The following RBFOX1 variants were observed in gnomAD, a reference collection of about 807,000 sequenced individuals.
The protein encoded by RBFOX1 is RNA binding fox-1 homolog 1.
RBFOX1 carries 8 observed loss-of-function variants against 57.7 expected under a neutral mutation model. The observed-to-expected ratio is 0.14, with a 90% CI of 0.08 to 0.25. RBFOX1 has a LOEUF of 0.25. RBFOX1 is among the 10% of genes least tolerant of loss of function. The pLI is 1.00. For synonymous variants in RBFOX1, 326 were observed against 222.4 expected, an observed-to-expected ratio of 1.47 and a Z score of -4.15; for missense variants, 611 against 548.5, an observed-to-expected ratio of 1.11 and a Z score of -1.14.
At chr16:6,378,892 A>C (rs2091493701) in intron 2 of RBFOX1, among the ~76,000 whole-genome samples, 1 of 152,162 alleles carries the variant, frequency 6.6e-6, no homozygotes, top group South Asian at 2.1e-4. Flanking sequence ...GTGGGCGGAA[A>C]TGTTGGAAAG....
rs575339932 is a variant in RBFOX1, at chr16:6,863,780, G to T, written c.-15-188277G>T. On this transcript the variant is annotated intron_variant, in intron 3 of 15. Coordinates refer to ENST00000550418, the MANE Select transcript of RBFOX1 (RefSeq NM_018723.4). ...CAAAACCAAATACAACCTTACAGAG[G>T]TAATAAACCTTGTGATACAGTCTCA... 7.2e-5 allele frequency among the ~76,000 whole-genome samples: 9 copies of T among 124,948 alleles called. 1 individual carries two copies. In the South Asian group the frequency reaches 2.5e-3, roughly 35 times the overall value. The allele number at this position is 124,948 out of a possible 152,430, so 82.0% of individuals were successfully genotyped here.
intron 5 of RBFOX1, among the ~76,000 whole-genome samples, chr16:7,575,533 G>A (rs2093251113): frequency 6.6e-6 from 1 of 152,142 alleles, no homozygotes; most frequent in Non-Finnish European, 1.5e-5. Context: ...ATGGAAGGAT[G>A]CAGACCCAAG....
intron 1 of RBFOX1, among the ~76,000 whole-genome samples, chr16:5,405,826 A>G (rs1260594618): frequency 6.6e-6 from 1 of 151,904 alleles, no homozygotes; most frequent in Non-Finnish European, 1.5e-5. Flanking sequence ...TCCCGGGAAA[A>G]GTTTTCTTCC....
intron 2 of RBFOX1, among the ~76,000 whole-genome samples, chr16:6,649,086 G>T (rs1451206429): frequency 2.0e-5 from 3 of 151,902 alleles, no homozygotes; most frequent in Admixed American, 2.0e-4. Flanking sequence ...ATGTCTTTAG[G>T]CCCAGATCTC....
At chr16:5,942,675 A>G (rs1008973628) in intron 4 of RBFOX1, among the ~76,000 whole-genome samples, 3 of 152,144 alleles carry the variant, frequency 2.0e-5, no homozygotes, top group Non-Finnish European at 4.4e-5. Flanking sequence ...AATACAAACT[A>G]CCTTTCTCCC....
chr16:6,606,533 G>A lies in RBFOX1; in HGVS notation c.-63-48070G>A, dbSNP rs183261906. On this transcript the variant is annotated intron_variant, in intron 2 of 15. Coordinates refer to ENST00000550418, the MANE Select transcript of RBFOX1 (RefSeq NM_018723.4). ...GCTTTCCCTCCTCCTTCCCCTCTAC[G>A]AGGCCCCATTGTGTGTAGTTCCCCT... Among the ~76,000 whole-genome samples, 13 of 151,908 alleles carry A rather than the reference G, an allele frequency of 8.6e-5. No individual in the cohort carries two copies. The East Asian group carries it at 1.2e-3, about 14-fold the overall frequency.
rs1166998032 is a variant in RBFOX1, at chr16:5,284,756, A to ATTTTTTTTTTTTTTT, written c.219+44663_219+44677dup. Among the ~76,000 whole-genome samples the ATTTTTTTTTTTTTTT allele has an allele frequency of 2.0e-3, 120 of 61,032 alleles. 4 individuals are homozygous for ATTTTTTTTTTTTTTT. The highest frequency in any genetic ancestry group is 2.3e-3 in the Non-Finnish European group (77 of 33,610). The allele number at this position is 61,032 out of a possible 152,430, so 40.0% of individuals were successfully genotyped here. ...GCTGGGTATAGTAGTTTTGGCTTAG[A>ATTTTTTTTTTTTTTT]TTTTTTTTTTTTTTTTTTTTTTTTT... On this transcript the variant is annotated intron_variant, in intron 1 of 2. Coordinates refer to the RBFOX1 transcript ENST00000585867.
chr16:5,441,363 G>GTTTT (rs34446326), intron 1 of RBFOX1, among the ~76,000 whole-genome samples: 5 of 111,752 alleles, frequency 4.5e-5, no homozygotes, highest in South Asian at 2.9e-4. Flanking sequence ...AGGAAAGAGG[G>GTTTT]TTTTTTTTTT....
chr16:6,838,997 A>G (rs1254086472), intron 3 of RBFOX1, among the ~76,000 whole-genome samples: 2 of 148,498 alleles, frequency 1.3e-5, no homozygotes, highest in East Asian at 4.0e-4. Flanking sequence ...TTTTTTCTTT[A>G]TTTTTGTGAC....
chr16:6,229,295 G>C (rs557564520), intron 1 of RBFOX1, among the ~76,000 whole-genome samples: 4 of 152,216 alleles, frequency 2.6e-5, no homozygotes, highest in African/African-American at 4.8e-5. Flanking sequence ...ACTTTGAACA[G>C]TCTCATCGTT....
At chr16:6,599,598 C>G (rs190351039) in intron 2 of RBFOX1, among the ~76,000 whole-genome samples, 1 of 152,244 alleles carries the variant, frequency 6.6e-6, no homozygotes, top group East Asian at 1.9e-4. Flanking sequence ...TTGATTTTCC[C>G]CCGTGTAAAT....
chr16:6,218,202 A>G (rs903065422), intron 1 of RBFOX1, among the ~76,000 whole-genome samples: 4 of 152,212 alleles, frequency 2.6e-5, no homozygotes, highest in Non-Finnish European at 5.9e-5. Context: ...ATGCCTGCCC[A>G]TTCTCCTTGA....
intron 2 of RBFOX1, among the ~76,000 whole-genome samples, chr16:6,512,918 G>A (rs904129458): frequency 6.6e-6 from 1 of 152,118 alleles, no homozygotes; most frequent in Non-Finnish European, 1.5e-5. Flanking sequence ...ACTCTGCATT[G>A]GCCTTCTATC....
At chr16:7,096,005 T>A (rs7199529) in intron 4 of RBFOX1, among the ~76,000 whole-genome samples, 4,382 of 116,702 alleles carry the variant, frequency 0.038, 84 homozygotes, top group Middle Eastern at 0.049. Context: ...AGAGTGAGAC[T>A]CTGTCTCAAA....
chr16:5,533,296 C>T (rs1190770721), intron 2 of RBFOX1, among the ~76,000 whole-genome samples: 1 of 152,174 alleles, frequency 6.6e-6, no homozygotes, highest in Non-Finnish European at 1.5e-5. Context: ...TAACAAGCAT[C>T]ATGTTTTAAT....
At chr16:7,028,103 A>C (rs960588908) in intron 3 of RBFOX1, among the ~76,000 whole-genome samples, 2 of 152,122 alleles carry the variant, frequency 1.3e-5, no homozygotes, top group African/African-American at 2.4e-5. Context: ...GTTACTTGGC[A>C]CAGTTTGACT....
chr16:5,780,866 T>C (rs1046892629), intron 3 of RBFOX1, among the ~76,000 whole-genome samples: 8 of 152,228 alleles, frequency 5.3e-5, no homozygotes, highest in African/African-American at 1.9e-4. Flanking sequence ...GTGCCATCGC[T>C]ATCTGCACAG....
intron 1 of RBFOX1, among the ~76,000 whole-genome samples, chr16:6,207,436 G>A (rs80115954): frequency 6.6e-6 from 1 of 152,100 alleles, no homozygotes; most frequent in Non-Finnish European, 1.5e-5. Context: ...GTTTGACAGA[G>A]GTGTTACTGG....
At chr16:5,334,213 G>T (rs7201294) in intron 1 of RBFOX1, among the ~76,000 whole-genome samples, 137,048 of 152,148 alleles carry the variant, frequency 0.9, 63,485 homozygotes, top group East Asian at 1. Flanking sequence ...ACATCTCTCC[G>T]GCCAGAGGAG....
Sources: gnomAD v4.1 joint callset for allele counts (sites outside exome capture counted in the v4.1 genomes callset) on GRCh38, gnomAD v4.1.1 for gene constraint, MANE v1.5 for transcripts, NCBI Gene and HGNC (gene_info 2026-07-23, HGNC 2026-07-21) for gene names.